The following SCUBE3 variants were observed in gnomAD, a reference collection of about 807,000 sequenced individuals.
SCUBE3 encodes signal peptide, CUB and EGF-like domain-containing protein 3.
SCUBE3 carries 33 observed loss-of-function variants against 116.8 expected under a neutral mutation model. The observed-to-expected ratio is 0.28, with a 90% CI of 0.21 to 0.38. The LOEUF (loss-of-function observed/expected upper bound fraction) is 0.38, where lower values mean the gene tolerates loss of function less well. SCUBE3 is among the 10% of genes least tolerant of loss of function. SCUBE3 has a pLI of 1.00. For synonymous variants in SCUBE3, 418 were observed against 496.9 expected, an observed-to-expected ratio of 0.84 and a Z score of 2.11; for missense variants, 1,007 against 1,324.8, an observed-to-expected ratio of 0.76 and a Z score of 3.72.
chr6:35,242,499 A>AG (rs1784117770), intron 13 of SCUBE3, 123 bp from the exon 14 acceptor site: 4 of 1,003,556 alleles, frequency 4.0e-6, no homozygotes, highest in Non-Finnish European at 6.1e-6. Flanking sequence ...CCAACTAATT[A>AG]GGACCCTAGA....
intron 21 of SCUBE3, among the ~76,000 whole-genome samples, chr6:35,247,646 T>G (rs529185989): frequency 3.3e-5 from 5 of 152,344 alleles, no homozygotes; most frequent in Non-Finnish European, 7.3e-5. Context: ...TCTGAACCCT[T>G]ATTTCAAATC....
rs939155789 is a variant in SCUBE3 at position 35,233,548 on chromosome 6, C to T, written c.712+247C>T. Among the ~76,000 whole-genome samples the T allele has an allele frequency of 6.6e-5, 10 of 152,216 alleles. No individual in the cohort carries two copies. Among genetic ancestry groups the T allele is most frequent in the African/African-American group, 2.4e-4 (10 of 41,452 alleles). On this transcript the variant is annotated intron_variant, in intron 6 of 21. Coordinates refer to ENST00000274938, the MANE Select transcript of SCUBE3 (RefSeq NM_152753.4). The surrounding 1 kb of genome is among the most constrained non-coding windows in gnomAD (Gnocchi z 5.7). ...CCACCCTGTTCCAGGAGCCTCACCA[C>T]CCTCTTCATCCCAGGACAAAGTGTT... is the stretch of plus-strand genomic sequence containing the variant.
rs762959030 is a variant in SCUBE3, at chr6:35,242,231, G to A, written c.1445G>A (p.Arg482Gln). Residue 482 changes from arginine to glutamine, a missense_variant, in exon 13 of 22, where the codon CGG becomes CAG. Coordinates refer to ENST00000274938, the MANE Select transcript of SCUBE3 (RefSeq NM_152753.4). ...HEAAVLSIKQ[R>Q]ASFKIKDAKC... Reference sequence around the variant, plus strand: ...GCTGCAGTGCTGTCCATTAAACAACGGGCCTCCTTCAAGATCAAGGATGCC... The same window carrying A: ...GCTGCAGTGCTGTCCATTAAACAACAGGCCTCCTTCAAGATCAAGGATGCC... 26 of 1,613,548 alleles carry A rather than the reference G, an allele frequency of 1.6e-5. No homozygotes were observed. The highest frequency in any genetic ancestry group is 1.3e-4 in the African/African-American group (10 of 74,882).
In SCUBE3 at chr6:35,241,377, G is replaced by A. The variant is rs759388962; in HGVS notation, c.1195+111G>A. On this transcript the variant is annotated intron_variant, in intron 10 of 21. Coordinates refer to ENST00000274938, the MANE Select transcript of SCUBE3 (RefSeq NM_152753.4). This position sits in a 1 kb window ranked among gnomAD's most constrained non-coding sequence, Gnocchi z 4.1. ...GGGAAAGGTGTGAGGTGGAAAGGGTGGAGAATGTAGCCATTTTGAGTTAAA... is the reference window on the plus strand; with the variant it reads ...GGGAAAGGTGTGAGGTGGAAAGGGTAGAGAATGTAGCCATTTTGAGTTAAA... The A allele has an allele frequency of 2.3e-6, 3 of 1,300,376 alleles. No individual in the cohort carries two copies. The highest frequency in any genetic ancestry group is 3.3e-6 in the Non-Finnish European group (3 of 919,362). The allele number at this position is 1,300,376 out of a possible 1,614,324, so 80.6% of individuals were successfully genotyped here.
At position 35,244,906 on chromosome 6, in the gene SCUBE3, T is replaced by TG. The variant is rs1353872794; in HGVS notation, c.2401+101dup. On this transcript the variant is annotated intron_variant, in intron 18 of 21. Coordinates refer to ENST00000274938, the MANE Select transcript of SCUBE3 (RefSeq NM_152753.4). The surrounding 1 kb of genome is among the most constrained non-coding windows in gnomAD (Gnocchi z 4.3). ...GTGTGAAACCAACAGGGAGCAGGGC[T>TG]GGGGGGTGGAGGAGCAGGAAAACTC... 3 of 1,275,942 alleles carry TG rather than the reference T, an allele frequency of 2.4e-6. No homozygotes were observed. The highest frequency in any genetic ancestry group is 4.6e-5 in the East Asian group (2 of 43,252). 79.0% of individuals were successfully genotyped at this position (1,275,942 alleles called of 1,614,324 possible).
Position 35,241,509 on chromosome 6 carries a change from C to A in SCUBE3, c.1196-34C>A. The A allele has an allele frequency of 7.0e-7, 1 of 1,428,120 alleles. No individual in the cohort carries two copies. Among genetic ancestry groups the A allele is most frequent in the Non-Finnish European group, 9.9e-7 (1 of 1,010,498 alleles). The allele number at this position is 1,428,120 out of a possible 1,614,324, so 88.5% of individuals were successfully genotyped here. On this transcript the variant is annotated intron_variant, in intron 10 of 21. Coordinates refer to ENST00000274938, the MANE Select transcript of SCUBE3 (RefSeq NM_152753.4). This position sits in a 1 kb window ranked among gnomAD's most constrained non-coding sequence, Gnocchi z 4.1. ...ATTACCCAACTGAGGGAAAGGAATG[C>A]ATTCATTTGCTCAGGCCTCTCTCCC...
Position 35,248,864 on chromosome 6 carries a change from C to G in SCUBE3, c.*159C>G, listed in dbSNP as rs946895790. On this transcript the variant is annotated 3_prime_UTR_variant, in exon 22 of 22. Coordinates refer to ENST00000274938, the MANE Select transcript of SCUBE3 (RefSeq NM_152753.4). ...CCAGGCACTCTCCCTTTCTGTCTTT[C>G]TAGTTTCCTTTCCTTGTCTCTCTCT... The G allele has an allele frequency of 4.8e-6, 3 of 630,912 alleles. No individual in the cohort carries two copies. Among genetic ancestry groups the G allele is most frequent in the Non-Finnish European group, 5.5e-6 (2 of 361,220 alleles). The allele number at this position is 630,912 out of a possible 1,614,324, so 39.1% of individuals were successfully genotyped here.
chr6:35,239,329 C>T lies in SCUBE3; in HGVS notation c.830-423C>T, dbSNP rs1259041559. Among the ~76,000 whole-genome samples, 1 of 150,880 alleles carries T rather than the reference C, an allele frequency of 6.6e-6. No individual in the cohort carries two copies. The highest frequency in any genetic ancestry group is 1.9e-4 in the East Asian group (1 of 5,142). On this transcript the variant is annotated intron_variant, in intron 7 of 21. Transcript: ENST00000274938. The surrounding 1 kb of genome is among the most constrained non-coding windows in gnomAD (Gnocchi z 4.1). The stretch of plus-strand genomic sequence containing the variant: ...CTCTCCTTGCCCCGCACCCCCCCAA[C>T]CCCCCGTCCTGAGGGACAGGAAAGA...
Position 35,228,521 on chromosome 6 carries a change from A to G in SCUBE3, c.209-93A>G. On this transcript the variant is annotated intron_variant, in intron 2 of 21. Coordinates refer to ENST00000274938, the MANE Select transcript of SCUBE3 (RefSeq NM_152753.4). This position sits in a 1 kb window ranked among gnomAD's most constrained non-coding sequence, Gnocchi z 4.9. ...GCTAAATGGCTTATAGGCCATGAAC[A>G]TAACTATGTAAACACAACCATAAGG... 2.9e-6 allele frequency: 4 copies of G among 1,368,116 alleles called. No homozygotes were observed. Among genetic ancestry groups the G allele is most frequent in the South Asian group, 2.6e-5 (2 of 77,122 alleles). 84.7% of individuals were successfully genotyped at this position (1,368,116 alleles called of 1,614,324 possible).
At chr6:35,230,188 A>G (rs957108240) in intron 3 of SCUBE3, among the ~76,000 whole-genome samples, 3 of 152,182 alleles carry the variant, frequency 2.0e-5, no homozygotes, top group African/African-American at 4.8e-5. Flanking sequence ...AGGGCCTCTT[A>G]TGAAACTCCT....
intron 13 of SCUBE3, 114 bp downstream of exon 13, chr6:35,242,434 G>T: frequency 2.1e-6 from 2 of 944,326 alleles, no homozygotes; most frequent in Non-Finnish European, 3.4e-6. Context: ...GCAGAGCAGA[G>T]GAAAAAGCAG....
In SCUBE3 at chr6:35,231,955, C is replaced by A. The variant is rs1013723340; in HGVS notation, c.469+96C>A. On this transcript the variant is annotated intron_variant, in intron 4 of 21. Coordinates refer to ENST00000274938, the MANE Select transcript of SCUBE3 (RefSeq NM_152753.4). This position sits in a 1 kb window ranked among gnomAD's most constrained non-coding sequence, Gnocchi z 4.2. Reference sequence around the variant, plus strand: ...GCCCCTAAGTCTCACCCTCCATTCTCAACTCAGCTAGCTCCTTCTTCTCTT... The same window carrying A: ...GCCCCTAAGTCTCACCCTCCATTCTAAACTCAGCTAGCTCCTTCTTCTCTT... The A allele has an allele frequency of 9.6e-7, 1 of 1,036,972 alleles. No individual in the cohort carries two copies. The highest frequency in any genetic ancestry group is 1.4e-6 in the Non-Finnish European group (1 of 708,752). 64.2% of individuals were successfully genotyped at this position (1,036,972 alleles called of 1,614,324 possible). A position where few individuals can be genotyped will look rare whatever the true frequency, so the allele number is the denominator to read the frequency against.
chr6:35,222,887 A>C (rs1438609156), intron 1 of SCUBE3: 1 of 152,200 alleles, frequency 6.6e-6, no homozygotes, highest in Non-Finnish European at 1.5e-5. Flanking sequence ...GAGAGAAGGA[A>C]TAATAGTAGC....
chr6:35,234,970 T>C (rs893890418), intron 6 of SCUBE3, among the ~76,000 whole-genome samples: 3 of 152,216 alleles, frequency 2.0e-5, no homozygotes, highest in African/African-American at 7.2e-5. Flanking sequence ...TCTTCTCCAA[T>C]AGAACTTATT....
At chr6:35,224,232 A>G (rs1388894399) in intron 1 of SCUBE3, 1 of 152,276 alleles carries the variant, frequency 6.6e-6, no homozygotes, top group Non-Finnish European at 1.5e-5. Flanking sequence ...AATGTCTTCC[A>G]GAGCAGAGAC....
Position 35,245,162 on chromosome 6 carries a change from C to T in SCUBE3, c.2402-66C>T, listed in dbSNP as rs1303251515. ...CCTCTACTTCAGAACTCTTCAATTC[C>T]CCCAGCACACTTCCCCACTGACTTC... On this transcript the variant is annotated intron_variant, in intron 18 of 21. Coordinates refer to ENST00000274938, the MANE Select transcript of SCUBE3 (RefSeq NM_152753.4). This position sits in a 1 kb window ranked among gnomAD's most constrained non-coding sequence, Gnocchi z 4.2. 1 of 1,439,894 alleles carries T rather than the reference C, an allele frequency of 6.9e-7. No homozygotes were observed. Among genetic ancestry groups the T allele is most frequent in the African/African-American group, 1.4e-5 (1 of 71,688 alleles). The allele number at this position is 1,439,894 out of a possible 1,614,324, so 89.2% of individuals were successfully genotyped here.
chr6:35,244,074 G>A lies in SCUBE3; in HGVS notation c.2183G>A (p.Gly728Glu). The A allele has an allele frequency of 3.1e-6, 5 of 1,614,046 alleles. No homozygotes were observed. The highest frequency in any genetic ancestry group is 1.3e-5 in the African/African-American group (1 of 75,034). Residue 728 changes from glycine to glutamate, a missense_variant, in exon 17 of 22, where the codon GGG becomes GAG. Gly to Glu is a moderately conservative substitution (Grantham distance 98, BLOSUM62 -2). Transcript: ENST00000274938. This position sits in a 1 kb window ranked among gnomAD's most constrained non-coding sequence, Gnocchi z 4.3. ...AGRTLCFPCG[G>E]GLTTKHEGAI... Reference sequence around the variant, plus strand: ...CGGACCCTATGCTTCCCTTGTGGTGGGGGCCTCACCACCAAGCATGAAGGG... The same window carrying A: ...CGGACCCTATGCTTCCCTTGTGGTGAGGGCCTCACCACCAAGCATGAAGGG...
chr6:35,245,042 G>A lies in SCUBE3; in HGVS notation c.2402-186G>A, dbSNP rs1306244931. ...ATGAGGAAGCAGAGACAGGTGAAGT[G>A]AGAAGAGAAGGTACTAAAAGGGCAG... On this transcript the variant is annotated intron_variant, in intron 18 of 21. Coordinates refer to ENST00000274938, the MANE Select transcript of SCUBE3 (RefSeq NM_152753.4). The surrounding 1 kb of genome is among the most constrained non-coding windows in gnomAD (Gnocchi z 4.2). Among the ~76,000 whole-genome samples the A allele has an allele frequency of 1.3e-5, 2 of 152,196 alleles. No individual in the cohort carries two copies. Among genetic ancestry groups the A allele is most frequent in the African/African-American group, 4.8e-5 (2 of 41,422 alleles).
chr6:35,247,373 G>A (rs533496365), intron 21 of SCUBE3, among the ~76,000 whole-genome samples: 2 of 148,018 alleles, frequency 1.4e-5, no homozygotes, highest in Non-Finnish European at 3.0e-5. Context: ...GGGAGGCAGA[G>A]GTTGCAGTGA....
Sources: gnomAD v4.1 joint callset for allele counts (sites outside exome capture counted in the v4.1 genomes callset) on GRCh38, gnomAD v4.1.1 for gene constraint, Gnocchi (gnomAD v3.1) non-coding constraint, MANE v1.5 for transcripts, NCBI Gene and HGNC (gene_info 2026-07-23, HGNC 2026-07-21) for gene names.